Variants in CHSY3 observed in about 807,000 individuals in gnomAD.
CHSY3 encodes the protein chondroitin sulfate synthase 3.
CHSY3 carries 35 observed loss-of-function variants against 67.2 expected under a neutral mutation model. The observed-to-expected ratio is 0.52, with a 90% CI of 0.40 to 0.69. The LOEUF (loss-of-function observed/expected upper bound fraction) is 0.69. CHSY3 is among the 30% of genes least tolerant of loss of function. The pLI, the probability that CHSY3 is intolerant of heterozygous loss-of-function variation, is 0.00. For missense variants in CHSY3, 1,069 were observed against 1,138.5 expected, an observed-to-expected ratio of 0.94 and a Z score of 0.88; for synonymous variants, 474 against 434.7, an observed-to-expected ratio of 1.09 and a Z score of -1.12.
chr5:130,158,703 A>T (rs531274023), intron 2 of CHSY3, among the ~76,000 whole-genome samples: 1 of 152,338 alleles, frequency 6.6e-6, no homozygotes, highest in East Asian at 1.9e-4. Flanking sequence ...AACTTATTCT[A>T]GAGTTTTTGC....
intron 2 of CHSY3, among the ~76,000 whole-genome samples, chr5:130,008,405 A>G (rs1176155411): frequency 6.6e-6 from 1 of 152,246 alleles, no homozygotes; most frequent in Non-Finnish European, 1.5e-5. Context: ...AAGCCAGTTG[A>G]TGGAACCCAA....
intron 2 of CHSY3, among the ~76,000 whole-genome samples, chr5:129,956,529 C>A (rs1362220833): frequency 6.6e-6 from 1 of 152,066 alleles, no homozygotes; most frequent in Non-Finnish European, 1.5e-5. Flanking sequence ...TTGATAGTTT[C>A]TTTTGCTGTG....
At chr5:129,959,527 A>T (rs1762270748) in intron 2 of CHSY3, among the ~76,000 whole-genome samples, 1 of 152,164 alleles carries the variant, frequency 6.6e-6, no homozygotes, top group African/African-American at 2.4e-5. Flanking sequence ...ATTTGCATGT[A>T]AAACTATAAG....
At position 130,156,143 on chromosome 5, in the gene CHSY3, T is replaced by G. The variant is rs557195029; in HGVS notation, c.1087-28086T>G. Among the ~76,000 whole-genome samples the G allele has an allele frequency of 6.6e-5, 10 of 152,316 alleles. No homozygotes were observed. The South Asian group carries it at 1.9e-3, about 28-fold the overall frequency. On this transcript the variant is annotated intron_variant, in intron 2 of 2. Transcript: ENST00000305031. ...TCCCCTGAGCAATTTAGTTACTTGTTTTTCTGACAGTCACTTAAAGTATAT... is the reference window on the plus strand; with the variant it reads ...TCCCCTGAGCAATTTAGTTACTTGTGTTTCTGACAGTCACTTAAAGTATAT...
chr5:129,915,733 T>C (rs1760711255), intron 2 of CHSY3, among the ~76,000 whole-genome samples: 1 of 152,174 alleles, frequency 6.6e-6, no homozygotes, highest in Admixed American at 6.5e-5. Context: ...GTAATATTAA[T>C]ATAGATACTT....
Position 129,932,083 on chromosome 5 carries a change from T to C in CHSY3, c.1086+23723T>C, listed in dbSNP as rs116393580. On this transcript the variant is annotated intron_variant, in intron 2 of 2. Coordinates refer to ENST00000305031, the MANE Select transcript of CHSY3 (RefSeq NM_175856.5). ...TTTGTATATAAACAATAAAACCATA[T>C]GTAATGTAAACCATAAAACCATATA... Among the ~76,000 whole-genome samples, 1,290 of 144,042 alleles carry C rather than the reference T, an allele frequency of 9.0e-3. 26 individuals carry two copies. The highest frequency in any genetic ancestry group is 0.031 in the African/African-American group (1,181 of 38,274). 94.5% of individuals were successfully genotyped at this position (144,042 alleles called of 152,430 possible). A position where few individuals can be genotyped will look rare whatever the true frequency, so the allele number is the denominator to read the frequency against.
chr5:129,905,506 T>C lies in CHSY3; in HGVS notation c.677T>C (p.Leu226Pro). ...CCGCCACCCCTGCCTGTCATCGCGC[T>C]ACCGGGTGTGGACGACTCCTATCCT... is the stretch of plus-strand genomic sequence containing the variant. ...QPPPPLPVIA[L>P]PGVDDSYPPQ... Residue 226 changes from leucine to proline, a missense_variant, in exon 1 of 3, where the codon CTA becomes CCA. Coordinates refer to ENST00000305031, the MANE Select transcript of CHSY3 (RefSeq NM_175856.5). The C allele has an allele frequency of 6.2e-7, 1 of 1,613,214 alleles. No homozygotes were observed. The highest frequency in any genetic ancestry group is 8.5e-7 in the Non-Finnish European group (1 of 1,179,990).
At chr5:130,094,355 A>T (rs1301827671) in intron 2 of CHSY3, among the ~76,000 whole-genome samples, 2 of 152,202 alleles carry the variant, frequency 1.3e-5, no homozygotes, top group African/African-American at 2.4e-5. Context: ...CTGAATACTA[A>T]CGTATTATAA....
At chr5:130,124,618 G>C (rs1449974457) in intron 2 of CHSY3, among the ~76,000 whole-genome samples, 1 of 151,998 alleles carries the variant, frequency 6.6e-6, no homozygotes, top group Non-Finnish European at 1.5e-5. Flanking sequence ...ACCACACTTG[G>C]TTAATTTTTT....
chr5:129,979,987 G>A (rs956939352), intron 2 of CHSY3, among the ~76,000 whole-genome samples: 7 of 151,968 alleles, frequency 4.6e-5, no homozygotes, highest in South Asian at 4.2e-4. Flanking sequence ...CATTTTATCC[G>A]TTCACCTAAT....
At chr5:129,969,198 A>G (rs1039529312) in intron 2 of CHSY3, among the ~76,000 whole-genome samples, 2 of 151,844 alleles carry the variant, frequency 1.3e-5, no homozygotes, top group African/African-American at 4.8e-5. Flanking sequence ...CAAAAAATTT[A>G]CTTTACACCT....
chr5:129,929,120 AT>A (rs1761212306), intron 2 of CHSY3, among the ~76,000 whole-genome samples: 1 of 152,206 alleles, frequency 6.6e-6, no homozygotes, highest in Non-Finnish European at 1.5e-5. Context: ...ATATAAGGAA[AT>A]GGGAAAGAAA....
At chr5:130,082,774 A>G (rs1766484445) in intron 2 of CHSY3, among the ~76,000 whole-genome samples, 1 of 151,978 alleles carries the variant, frequency 6.6e-6, no homozygotes, top group Non-Finnish European at 1.5e-5. Context: ...CTATTTTCAC[A>G]GTGACAGAAA....
At chr5:130,096,662 G>T (rs969705655) in intron 2 of CHSY3, among the ~76,000 whole-genome samples, 1 of 151,866 alleles carries the variant, frequency 6.6e-6, no homozygotes, top group Admixed American at 6.6e-5. Flanking sequence ...ACTACCATTG[G>T]TTCTTTTCTA....
chr5:130,169,229 C>T (rs1769833943), intron 2 of CHSY3, among the ~76,000 whole-genome samples: 1 of 152,086 alleles, frequency 6.6e-6, no homozygotes, highest in African/African-American at 2.4e-5. Context: ...ATACTGAGAG[C>T]TGAGATCCAT....
chr5:130,082,643 C>T (rs1766479641), intron 2 of CHSY3, among the ~76,000 whole-genome samples: 1 of 151,990 alleles, frequency 6.6e-6, no homozygotes, highest in Non-Finnish European at 1.5e-5. Flanking sequence ...TCCTATTGGC[C>T]ATACTGTGTT....
intron 2 of CHSY3, among the ~76,000 whole-genome samples, chr5:130,098,752 T>A (rs984475989): frequency 1.3e-5 from 2 of 152,156 alleles, no homozygotes; most frequent in African/African-American, 4.8e-5. Flanking sequence ...GCAATAAAAT[T>A]CATAGAAGGT....
At chr5:130,087,201 A>C (rs1766671060) in intron 2 of CHSY3, among the ~76,000 whole-genome samples, 1 of 151,778 alleles carries the variant, frequency 6.6e-6, no homozygotes, top group African/African-American at 2.4e-5. Context: ...TAAATTAGGT[A>C]TTGATGGGAT....
In CHSY3 at chr5:130,019,654, T is replaced by C. The variant is rs527749796; in HGVS notation, c.1086+111294T>C. 1.5e-4 allele frequency among the ~76,000 whole-genome samples: 23 copies of C among 152,370 alleles called. No individual in the cohort carries two copies. In the East Asian group the frequency reaches 4.4e-3, roughly 29 times the overall value. ...AATAACAACCTCGTTTATCTTTCCC[T>C]GGTAGAATGTCTCTTAGTTTTTACA... On this transcript the variant is annotated intron_variant, in intron 2 of 2. Coordinates refer to ENST00000305031, the MANE Select transcript of CHSY3 (RefSeq NM_175856.5).
Sources: gnomAD v4.1 joint callset for allele counts (sites outside exome capture counted in the v4.1 genomes callset) on GRCh38, gnomAD v4.1.1 for gene constraint, MANE v1.5 for transcripts, NCBI Gene and HGNC (gene_info 2026-07-23, HGNC 2026-07-21) for gene names.